Variants in GABRA3 observed in about 807,000 individuals in gnomAD.
GABRA3 encodes gamma-aminobutyric acid receptor subunit alpha-3.
GABRA3 carries 10 observed loss-of-function variants against 30.1 expected under a neutral mutation model. That is an observed-to-expected ratio of 0.33 (90% confidence interval 0.20 to 0.56). The LOEUF (loss-of-function observed/expected upper bound fraction) is 0.56, where lower values mean the gene tolerates loss of function less well. Ranked by LOEUF, GABRA3 falls within the 20% of genes least tolerant of loss-of-function variation. The pLI, the probability that GABRA3 is intolerant of heterozygous loss-of-function variation, is 0.89. For missense variants in GABRA3, 233 were observed against 392.0 expected (o/e 0.59, Z 3.42); for synonymous variants, 151 against 146.8 (o/e 1.03, Z -0.21).
intron 3 of GABRA3, among the ~76,000 whole-genome samples, chrX:152,337,491 A>T (rs774467658): frequency 9.0e-6 from 1 of 111,073 alleles, no homozygotes; most frequent in Non-Finnish European, 1.9e-5. Context: ...TGTTTAACTT[A>T]ACAAAGACCT....
intron 3 of GABRA3, among the ~76,000 whole-genome samples, chrX:152,308,521 C>A (rs1283011199): frequency 8.9e-6 from 1 of 112,061 alleles, no homozygotes. Flanking sequence ...AGCACACAGC[C>A]CAGGAATGCT....
At chrX:152,284,443 A>C (rs1247672912) in intron 4 of GABRA3, among the ~76,000 whole-genome samples, 2 of 111,298 alleles carry the variant, frequency 1.8e-5, no homozygotes, top group Admixed American at 1.9e-4. Context: ...TCGTGGGAGA[A>C]AGATAAGGGC....
At chrX:152,226,178 G>A (rs1363079367) in intron 5 of GABRA3, among the ~76,000 whole-genome samples, 1 of 111,694 alleles carries the variant, frequency 9.0e-6, no homozygotes, top group Non-Finnish European at 1.9e-5. Context: ...GTGTTAGGAA[G>A]CAAGATCTTA....
chrX:152,178,112 CTCTG>C (rs1234335530), intron 9 of GABRA3, among the ~76,000 whole-genome samples: 2 of 111,592 alleles, frequency 1.8e-5, no homozygotes, highest in African/African-American at 6.5e-5. Context: ...TATATCAGTG[CTCTG>C]TCTGTATATG....
Position 152,206,388 on chromosome X carries a change from T to C in GABRA3, c.778+1613A>G, listed in dbSNP as rs770449696. Among the ~76,000 whole-genome samples the C allele has an allele frequency of 1.6e-3, 180 of 111,555 alleles. 1 individual carries two copies. Among genetic ancestry groups the C allele is most frequent in the African/African-American group, 5.6e-3 (172 of 30,718 alleles). ...GGAGGCCGGCTTCTCTGCTCACACATGTAAGGGGTCCAGTGGAGACGTGAG... is the reference window on the plus strand; with the variant it reads ...GGAGGCCGGCTTCTCTGCTCACACACGTAAGGGGTCCAGTGGAGACGTGAG... On this transcript the variant is annotated intron_variant, in intron 7 of 9. Coordinates refer to ENST00000370314, the MANE Select transcript of GABRA3 (RefSeq NM_000808.4).
At chrX:152,210,105 C>T (rs1032948458) in intron 6 of GABRA3, among the ~76,000 whole-genome samples, 50 of 112,181 alleles carry the variant, frequency 4.5e-4, no homozygotes, top group African/African-American at 1.5e-3. Context: ...TGCATTGAAG[C>T]GCAAAACCTA....
intron 5 of GABRA3, among the ~76,000 whole-genome samples, chrX:152,245,845 C>T (rs1569368662): frequency 9.0e-6 from 1 of 111,705 alleles, no homozygotes; most frequent in East Asian, 2.8e-4. Context: ...GACGTTACCA[C>T]ATAGGATTAT....
chrX:152,341,828 C>T (rs1226906457), intron 3 of GABRA3, among the ~76,000 whole-genome samples: 1 of 111,140 alleles, frequency 9.0e-6, no homozygotes, highest in Non-Finnish European at 1.9e-5. Context: ...GCATGAGCCA[C>T]CATGCCCAGC....
intron 5 of GABRA3, among the ~76,000 whole-genome samples, chrX:152,255,334 C>T (rs1443940049): frequency 9.0e-6 from 1 of 111,654 alleles, no homozygotes; most frequent in Non-Finnish European, 1.9e-5. Flanking sequence ...TCACAAAATA[C>T]CCATAGTTAT....
chrX:152,357,725 G>C (rs1209919463), intron 2 of GABRA3, among the ~76,000 whole-genome samples: 5 of 111,669 alleles, frequency 4.5e-5, no homozygotes, highest in African/African-American at 6.5e-5. Context: ...ATATTTTCTA[G>C]ATTATCTTCC....
intron 5 of GABRA3, among the ~76,000 whole-genome samples, chrX:152,230,863 A>G (rs1051397054): frequency 1.8e-5 from 2 of 110,754 alleles, no homozygotes; most frequent in African/African-American, 3.3e-5. Context: ...AGAACATAGG[A>G]GAAAATCTTT....
intron 6 of GABRA3, among the ~76,000 whole-genome samples, chrX:152,211,973 T>C (rs1569357075): frequency 9.1e-6 from 1 of 109,954 alleles, no homozygotes; most frequent in Non-Finnish European, 1.9e-5. Flanking sequence ...AGAAGGAAGC[T>C]TAATAAATAG....
intron 5 of GABRA3, among the ~76,000 whole-genome samples, chrX:152,230,209 A>G (rs1378673669): frequency 8.9e-6 from 1 of 111,752 alleles, no homozygotes; most frequent in Non-Finnish European, 1.9e-5. Flanking sequence ...ATTTAATTGT[A>G]CACTTCAAGA....
intron 1 of GABRA3, among the ~76,000 whole-genome samples, chrX:152,378,387 A>G (rs1227995777): frequency 8.9e-6 from 1 of 112,181 alleles, no homozygotes; most frequent in East Asian, 2.8e-4. Flanking sequence ...TATTTAAACA[A>G]TAAACTAGAT....
At chrX:152,419,991 G>A (rs1930333500) in intron 1 of GABRA3, among the ~76,000 whole-genome samples, 1 of 111,399 alleles carries the variant, frequency 9.0e-6, no homozygotes, top group African/African-American at 3.3e-5. Flanking sequence ...AGTCAATGCA[G>A]TTCATCATAT....
chrX:152,184,502 C>T (rs542950233), intron 9 of GABRA3, among the ~76,000 whole-genome samples: 1 of 111,321 alleles, frequency 9.0e-6, no homozygotes, highest in Non-Finnish European at 1.9e-5. Context: ...AGAAGAGCAA[C>T]CCTGCTGTTT....
At chrX:152,449,632 C>T (rs751254458) in intron 1 of GABRA3, among the ~76,000 whole-genome samples, 32 of 111,064 alleles carry the variant, frequency 2.9e-4, no homozygotes, top group Admixed American at 7.6e-4. Flanking sequence ...TTACTCTACA[C>T]GAAAGCCAGG....
At chrX:152,421,311 T>C (rs1930368776) in intron 1 of GABRA3, among the ~76,000 whole-genome samples, 1 of 111,066 alleles carries the variant, frequency 9.0e-6, no homozygotes, top group African/African-American at 3.3e-5. Context: ...TTTTGTTATA[T>C]AGTATGCTGT....
intron 5 of GABRA3, among the ~76,000 whole-genome samples, chrX:152,233,113 T>C (rs1030333585): frequency 1.8e-5 from 2 of 111,075 alleles, no homozygotes; most frequent in Non-Finnish European, 3.8e-5. Flanking sequence ...TGGCCACTTG[T>C]ATGTCTTCTT....
Sources: gnomAD v4.1 joint callset for allele counts (sites outside exome capture counted in the v4.1 genomes callset) on GRCh38, gnomAD v4.1.1 for gene constraint, MANE v1.5 for transcripts, NCBI Gene and HGNC (gene_info 2026-07-23, HGNC 2026-07-21) for gene names.